Variants in GRM5 observed in about 807,000 individuals in gnomAD.
The protein encoded by GRM5 is glutamate metabotropic receptor 5, also known as metabotropic glutamate receptor 5.
Under a neutral mutation model 83.1 loss-of-function variants are expected in GRM5, and 19 were observed. That is an observed-to-expected ratio of 0.23 (90% CI 0.16 to 0.34). The LOEUF (loss-of-function observed/expected upper bound fraction) is 0.34. GRM5 is among the 10% of genes least tolerant of loss of function. The pLI, the probability that GRM5 is intolerant of heterozygous loss-of-function variation, is 1.00. For missense variants in GRM5, 1,160 were observed against 1,588.3 expected, an observed-to-expected ratio of 0.73 and a Z score of 4.58; for synonymous variants, 675 against 633.6, an observed-to-expected ratio of 1.07 and a Z score of -0.98.
chr11:88,835,144 T>A (rs1944070488), intron 3 of GRM5, among the ~76,000 whole-genome samples: 1 of 152,132 alleles, frequency 6.6e-6, no homozygotes, highest in Non-Finnish European at 1.5e-5. Flanking sequence ...TCCAGGGATA[T>A]TTAAGGGGTC....
At chr11:88,984,107 T>C (rs1323591797) in intron 2 of GRM5, among the ~76,000 whole-genome samples, 1 of 152,090 alleles carries the variant, frequency 6.6e-6, no homozygotes, top group Non-Finnish European at 1.5e-5. Flanking sequence ...TAAAAAGGTG[T>C]CTTAATAAAT....
intron 3 of GRM5, among the ~76,000 whole-genome samples, chr11:88,808,929 G>A (rs952127084): frequency 4.0e-5 from 6 of 151,774 alleles, no homozygotes; most frequent in Non-Finnish European, 7.4e-5. Context: ...GGCATTTATC[G>A]GCATCCATGT....
At chr11:89,014,382 C>A (rs1940794864) in intron 2 of GRM5, among the ~76,000 whole-genome samples, 1 of 152,090 alleles carries the variant, frequency 6.6e-6, no homozygotes, top group Admixed American at 6.6e-5. Flanking sequence ...AGCACAAAGA[C>A]AATTTGCTGA....
chr11:88,617,833 C>G (rs1050177235), intron 4 of GRM5, among the ~76,000 whole-genome samples: 1 of 152,144 alleles, frequency 6.6e-6, no homozygotes, highest in Non-Finnish European at 1.5e-5. Flanking sequence ...GAGGTGAAAA[C>G]TAAAGTCTCA....
intron 2 of GRM5, among the ~76,000 whole-genome samples, chr11:88,876,870 G>T (rs1192222335): frequency 6.6e-6 from 1 of 152,000 alleles, no homozygotes; most frequent in Non-Finnish European, 1.5e-5. Context: ...ACACAATGGA[G>T]TACTACTCAG....
At chr11:88,943,582 T>G (rs182951970) in intron 2 of GRM5, among the ~76,000 whole-genome samples, 62 of 152,188 alleles carry the variant, frequency 4.1e-4, no homozygotes, top group Middle Eastern at 6.8e-3. Context: ...AATTTCCTTA[T>G]AAGTTAATGA....
In GRM5 at chr11:88,590,536, C is replaced by T. The variant is rs369762463; in HGVS notation, c.1690+65G>A. On this transcript the variant is annotated intron_variant, in intron 7 of 9. Coordinates refer to ENST00000305447, the MANE Select transcript of GRM5 (RefSeq NM_001143831.3). ...GATGAGTAACGCTTGGGGATGTGACCCCCCTCTCCCACGTCTGCACCATTT... is the reference window on the plus strand; with the variant it reads ...GATGAGTAACGCTTGGGGATGTGACTCCCCTCTCCCACGTCTGCACCATTT... 9 of 1,326,076 alleles carry T rather than the reference C, an allele frequency of 6.8e-6. No individual in the cohort carries two copies. The African/African-American group carries it at 1.3e-4, about 19-fold the overall frequency. The allele number at this position is 1,326,076 out of a possible 1,614,324, so 82.1% of individuals were successfully genotyped here.
intron 2 of GRM5, among the ~76,000 whole-genome samples, chr11:88,904,288 T>C (rs1459884796): frequency 6.6e-6 from 1 of 152,200 alleles, no homozygotes; most frequent in Non-Finnish European, 1.5e-5. Context: ...ACAGCTCTTT[T>C]GACTATTTAT....
chr11:89,059,239 G>C (rs1941939549), intron 1 of GRM5, among the ~76,000 whole-genome samples: 1 of 152,064 alleles, frequency 6.6e-6, no homozygotes, highest in East Asian at 1.9e-4. Context: ...AATATATACA[G>C]AAAATATATA....
At chr11:88,752,677 C>T (rs556999500) in intron 3 of GRM5, among the ~76,000 whole-genome samples, 1 of 152,218 alleles carries the variant, frequency 6.6e-6, no homozygotes, top group Non-Finnish European at 1.5e-5. Context: ...AAGCTGAAGG[C>T]ATCATGCTAC....
rs573261618 is a variant in GRM5 at position 88,845,232 on chromosome 11, C to A, written c.911+4674G>T. ...CCACTGCCACCTTCAGCAATTGCCA[C>A]CCTAATCAGTCAGCAGCCATCAACA... On this transcript the variant is annotated intron_variant, in intron 3 of 9. Coordinates refer to ENST00000305447, the MANE Select transcript of GRM5 (RefSeq NM_001143831.3). Among the ~76,000 whole-genome samples, 220 of 151,880 alleles carry A rather than the reference C, an allele frequency of 1.4e-3. 1 individual carries two copies. The highest frequency in any genetic ancestry group is 3.4e-3 in the Middle Eastern group (1 of 294).
At chr11:88,605,170 T>G (rs1023572454) in intron 4 of GRM5, among the ~76,000 whole-genome samples, 1 of 152,244 alleles carries the variant, frequency 6.6e-6, no homozygotes, top group African/African-American at 2.4e-5. Context: ...TCCAAAACTC[T>G]GAAAAAAGTT....
At chr11:88,764,743 A>T (rs557674650) in intron 3 of GRM5, among the ~76,000 whole-genome samples, 12 of 151,756 alleles carry the variant, frequency 7.9e-5, no homozygotes, top group African/African-American at 2.9e-4. Context: ...AAACACTTAT[A>T]TTAAAAAATT....
At chr11:88,643,878 T>C (rs769775086) in intron 4 of GRM5, among the ~76,000 whole-genome samples, 6 of 152,180 alleles carry the variant, frequency 3.9e-5, no homozygotes, top group Non-Finnish European at 7.3e-5. Context: ...GAAGACAACA[T>C]TCTGATGCAT....
chr11:88,526,550 C>T (rs932509146), intron 8 of GRM5, among the ~76,000 whole-genome samples: 2 of 152,128 alleles, frequency 1.3e-5, no homozygotes. Flanking sequence ...ACTTCATCCA[C>T]CTTCCTGGTA....
chr11:88,787,453 G>A (rs1943095752), intron 3 of GRM5, among the ~76,000 whole-genome samples: 1 of 152,078 alleles, frequency 6.6e-6, no homozygotes, highest in Non-Finnish European at 1.5e-5. Context: ...AAGGCATTTG[G>A]ATTTATTTGA....
chr11:88,954,435 C>T (rs914100227), intron 2 of GRM5, among the ~76,000 whole-genome samples: 1 of 152,012 alleles, frequency 6.6e-6, no homozygotes. Context: ...TTATTCTTAT[C>T]ACATGTTGTA....
intron 3 of GRM5, among the ~76,000 whole-genome samples, chr11:88,705,253 C>T (rs1012933050): frequency 6.6e-6 from 1 of 152,020 alleles, no homozygotes; most frequent in African/African-American, 2.4e-5. Context: ...CTCAGCAGTG[C>T]TTGAGCTGCA....
chr11:88,535,195 A>T (rs148647649), intron 8 of GRM5, among the ~76,000 whole-genome samples: 1 of 152,284 alleles, frequency 6.6e-6, no homozygotes, highest in African/African-American at 2.4e-5. Context: ...TTAACAAGCC[A>T]TCCCATCCTT....
Sources: gnomAD v4.1 joint callset for allele counts (sites outside exome capture counted in the v4.1 genomes callset) on GRCh38, gnomAD v4.1.1 for gene constraint, MANE v1.5 for transcripts, NCBI Gene and HGNC (gene_info 2026-07-23, HGNC 2026-07-21) for gene names.